Variants in PAX4 observed in about 807,000 individuals in gnomAD.
PAX4 encodes paired box 4.
A neutral mutation model predicts 40.6 loss-of-function variants in PAX4; 33 were observed. The observed-to-expected ratio is 0.81, with a 90% CI of 0.62 to 1.09. The LOEUF is 1.09. Ranked by LOEUF, PAX4 falls within the 50% of genes least tolerant of loss-of-function variation. The pLI is 0.00. For synonymous variants in PAX4, 174 were observed against 170.6 expected (o/e 1.02, Z -0.16); for missense variants, 459 against 442.5 (o/e 1.04, Z -0.33).
Position 127,613,057 on chromosome 7 carries a change from C to T in PAX4, c.680G>A (p.Arg227Gln), listed in dbSNP as rs557297016. 2.7e-4 allele frequency: 434 copies of T among 1,613,354 alleles called. 7 individuals are homozygous for T. The South Asian group carries it at 4.4e-3, about 16-fold the overall frequency. The change falls in exon 9 of 12, where the codon CGG (arginine) becomes CAG (glutamine). Residue 227 changes from arginine (R) to glutamine (Q), a missense_variant. Physicochemically the swap from Arg to Gln is conservative, Grantham distance 43. Coordinates refer to ENST00000639438, the MANE Select transcript of PAX4 (RefSeq NM_001366110.1). ...CATTTCCCACTTGAGCTTCTCTTGCCGACGCCATTTGGCTCTTCTGTTGGA... is the reference window on the plus strand; with the variant it reads ...CATTTCCCACTTGAGCTTCTCTTGCTGACGCCATTTGGCTCTTCTGTTGGA... The part of the protein sequence containing the change: ...WFSNRRAKWR[R>Q]QEKLKWEMQL...
intron 6 of PAX4, among the ~76,000 whole-genome samples, chr7:127,614,225 A>T (rs1794684678): frequency 1.3e-5 from 2 of 151,894 alleles, no homozygotes; most frequent in Admixed American, 1.3e-4. Context: ...TCTTCAATAG[A>T]TCCTGTGAAC....
At chr7:127,612,145 A>C in intron 9 of PAX4, 145 bp from the exon 10 acceptor site, 1 of 759,104 alleles carries the variant, frequency 1.3e-6, no homozygotes, top group South Asian at 1.5e-5. Flanking sequence ...TGGATATTTT[A>C]ACCCAAAACT....
intron 5 of PAX4, 46 bp from the exon 6 acceptor site, chr7:127,614,603 G>A (rs759543445): frequency 1.4e-6 from 2 of 1,473,916 alleles, no homozygotes; most frequent in Non-Finnish European, 1.9e-6. Context: ...CTCAGACTCA[G>A]GGCTATACCC....
intron 6 of PAX4, 130 bp from the exon 7 acceptor site, chr7:127,614,011 A>T: frequency 9.6e-7 from 1 of 1,043,642 alleles, no homozygotes; most frequent in Non-Finnish European, 1.4e-6. Context: ...CTGGTGGGGC[A>T]TTCATAGTTA....
At chr7:127,613,716 C>G in intron 7 of PAX4, 40 bp downstream of exon 7, 1 of 1,613,206 alleles carries the variant, frequency 6.2e-7, no homozygotes, top group Non-Finnish European at 8.5e-7. Flanking sequence ...CTGTGTCACA[C>G]TGAGGACTCT....
At chr7:127,613,422 T>G (rs769610651) in intron 8 of PAX4, 28 bp downstream of exon 8, 1 of 1,608,082 alleles carries the variant, frequency 6.2e-7, no homozygotes, top group East Asian at 2.2e-5. Context: ...CTCCTTGTGG[T>G]TTGTACAGTG....
In PAX4 at chr7:127,615,414, G is replaced by A; in HGVS notation, c.131C>T (p.Ser44Leu). 1 of 1,614,180 alleles carries A rather than the reference G, an allele frequency of 6.2e-7. No individual in the cohort carries two copies. The highest frequency in any genetic ancestry group is 8.5e-7 in the Non-Finnish European group (1 of 1,180,044). The change falls in exon 4 of 12, where the codon TCA becomes TTA. Residue 44 changes from serine (S) to leucine (L), a missense_variant. By Grantham distance (145) the Ser-to-Leu change is moderately radical. Transcript: ENST00000639438. ...CTGGCCCATTACCTTAAGGATCCGTGAGATGTCACAGGGCCGCATTCCACT... is the reference window on the plus strand; with the variant it reads ...CTGGCCCATTACCTTAAGGATCCGTAAGATGTCACAGGGCCGCATTCCACT... ...AVSGMRPCDISRILKVSNGCV... is the reference protein window; with the variant it reads ...AVSGMRPCDILRILKVSNGCV...
At chr7:127,617,477 G>A (rs183190194) in intron 1 of PAX4, 77 bp from the exon 2 acceptor site, 3 of 152,090 alleles carry the variant, frequency 2.0e-5, no homozygotes, top group African/African-American at 4.8e-5. Context: ...CTAATCCTGG[G>A]CTCTCTTTCT....
rs1481867104 is a variant in PAX4 at position 127,610,816 on chromosome 7, C to T, written c.*248G>A. On this transcript the variant is annotated 3_prime_UTR_variant, in exon 12 of 12. Coordinates refer to ENST00000639438, the MANE Select transcript of PAX4 (RefSeq NM_001366110.1). ...ACAACAGAACTACTGCTAATAAAAA[C>T]AGCTTTTATTACTGCTGAGTGGAGG... The T allele has an allele frequency of 2.0e-6, 3 of 1,487,476 alleles. No individual in the cohort carries two copies. The highest frequency in any genetic ancestry group is 2.0e-5 in the Admixed American group (1 of 50,886). 92.1% of individuals were successfully genotyped at this position (1,487,476 alleles called of 1,614,324 possible).
At chr7:127,612,868 G>A (rs1417093634) in intron 9 of PAX4, among the ~76,000 whole-genome samples, 154 bp downstream of exon 9, 1 of 151,348 alleles carries the variant, frequency 6.6e-6, no homozygotes, top group Non-Finnish European at 1.5e-5. Flanking sequence ...ATGGATGGAT[G>A]GATAGATGAA....
At chr7:127,613,377 T>C (rs1193509459) in intron 8 of PAX4, 73 bp downstream of exon 8, 5 of 1,456,528 alleles carry the variant, frequency 3.4e-6, no homozygotes, top group East Asian at 2.3e-5. Flanking sequence ...CTCCACCTCA[T>C]TGGAACCCAA....
In PAX4 at chr7:127,612,381, G is replaced by C. The variant is rs182678274; in HGVS notation, c.716-381C>G. On this transcript the variant is annotated intron_variant, in intron 9 of 11. Transcript: ENST00000639438. ...TGGATGGATGCATGGGTGCATGGGTGGCTGGATGGATGCATGGGCGGATGC... is the reference window on the plus strand; with the variant it reads ...TGGATGGATGCATGGGTGCATGGGTCGCTGGATGGATGCATGGGCGGATGC... Among the ~76,000 whole-genome samples, 57 of 151,868 alleles carry C rather than the reference G, an allele frequency of 3.8e-4. 3 individuals are homozygous for C. Among genetic ancestry groups the C allele is most frequent in the Admixed American group, 3.1e-3 (47 of 15,276 alleles).
rs751911193 is a variant in PAX4 at position 127,613,535 on chromosome 7, GC to G, written c.563-4del. On this transcript the variant is annotated splice_region_variant and splice_polypyrimidine_tract_variant and intron_variant, in intron 7 of 11. Coordinates refer to ENST00000639438, the MANE Select transcript of PAX4 (RefSeq NM_001366110.1). ...AGGATACTGCCCACGCTGGAACTCTGCGGAGATCGAGTCTCACAAAGTAAGG... is the reference window on the plus strand; with the variant it reads ...AGGATACTGCCCACGCTGGAACTCTGGGAGATCGAGTCTCACAAAGTAAGG... The G allele has an allele frequency of 6.2e-7, 1 of 1,613,990 alleles. No individual in the cohort carries two copies. Among genetic ancestry groups the G allele is most frequent in the African/African-American group, 1.3e-5 (1 of 74,906 alleles).
rs775532475 is a variant in PAX4 at position 127,610,877 on chromosome 7, G to A, written c.*187C>T. 5.8e-6 allele frequency: 9 copies of A among 1,539,900 alleles called. No homozygotes were observed. Among genetic ancestry groups the A allele is most frequent in the East Asian group, 2.4e-5 (1 of 40,926 alleles). The stretch of plus-strand genomic sequence containing the variant: ...CTAGTGTGAGAAGTGGGTGGGTGTT[G>A]CTTTACCAGCCCCTCCAATCAGGTG... On this transcript the variant is annotated 3_prime_UTR_variant, in exon 12 of 12. Coordinates refer to ENST00000639438, the MANE Select transcript of PAX4 (RefSeq NM_001366110.1).
chr7:127,613,907 G>T (rs925393033), intron 6 of PAX4, 26 bp from the exon 7 acceptor site: 1 of 1,613,526 alleles, frequency 6.2e-7, no homozygotes, highest in African/African-American at 1.3e-5. Context: ...ACAGTTTGTG[G>T]TGGTTTGTGA....
intron 9 of PAX4, 31 bp downstream of exon 9, chr7:127,612,991 G>C: frequency 1.3e-6 from 2 of 1,539,608 alleles, no homozygotes; most frequent in Non-Finnish European, 9.0e-7. Flanking sequence ...ATGACTGAGC[G>C]GGCAGATGGA....
chr7:127,611,270 G>A, intron 11 of PAX4, 64 bp from the exon 12 acceptor site: 4 of 1,447,944 alleles, frequency 2.8e-6, no homozygotes, highest in Non-Finnish European at 3.8e-6. Context: ...AAGTCACTAT[G>A]GGAGAGAGGC....
At chr7:127,615,611 C>T in intron 3 of PAX4, 80 bp from the exon 4 acceptor site, 2 of 1,607,406 alleles carry the variant, frequency 1.2e-6, no homozygotes, top group South Asian at 1.1e-5. Context: ...TCAGGCCCCT[C>T]CAGCCTGGCT....
intron 2 of PAX4, among the ~76,000 whole-genome samples, chr7:127,616,315 G>C (rs1198260779): frequency 2.0e-5 from 3 of 152,134 alleles, no homozygotes; most frequent in Admixed American, 6.5e-5. Context: ...AAGGGATAAT[G>C]CTTTCAAATG....
Sources: allele counts gnomAD v4.1 joint callset (sites outside exome capture counted in the v4.1 genomes callset), GRCh38; gene constraint gnomAD v4.1.1; transcripts MANE v1.5; gene names NCBI Gene and HGNC (gene_info 2026-07-23, HGNC 2026-07-21).